The following GFRA3 variants were observed in gnomAD, a reference collection of about 807,000 sequenced individuals.
GFRA3 encodes GDNF family receptor alpha 3, also known as GDNF family receptor alpha-3.
GFRA3 carries 24 observed loss-of-function variants against 40.0 expected under a neutral mutation model. That is an observed-to-expected ratio of 0.60 (90% CI 0.43 to 0.84). The LOEUF (loss-of-function observed/expected upper bound fraction) is 0.84. Ranked by LOEUF, GFRA3 falls within the 40% of genes least tolerant of loss-of-function variation. The pLI, the probability that GFRA3 is intolerant of heterozygous loss-of-function variation, is 0.00. For missense variants in GFRA3, 405 were observed against 530.6 expected, an observed-to-expected ratio of 0.76 and a Z score of 2.33; for synonymous variants, 203 against 213.5, an observed-to-expected ratio of 0.95 and a Z score of 0.43.
chr5:138,260,923 A>G (rs932870066), intron 2 of GFRA3, among the ~76,000 whole-genome samples: 2 of 152,054 alleles, frequency 1.3e-5, no homozygotes, highest in African/African-American at 4.8e-5. Context: ...CGAGAGGCTG[A>G]GGTGGGAGGA....
intron 1 of GFRA3, among the ~76,000 whole-genome samples, chr5:138,274,077 G>A (rs899148459): frequency 6.6e-6 from 1 of 152,134 alleles, no homozygotes; most frequent in Non-Finnish European, 1.5e-5. Flanking sequence ...AGGGAAGAGG[G>A]GGGAAAAAGG....
At chr5:138,255,956 G>A (rs570815958) in intron 4 of GFRA3, among the ~76,000 whole-genome samples, 50 of 151,584 alleles carry the variant, frequency 3.3e-4, no homozygotes, top group African/African-American at 1.1e-3. Flanking sequence ...GGCTGGGCAC[G>A]GTGGCTCACA....
At chr5:138,266,000 C>A (rs1395708104) in intron 1 of GFRA3, among the ~76,000 whole-genome samples, 1 of 152,110 alleles carries the variant, frequency 6.6e-6, no homozygotes, top group Non-Finnish European at 1.5e-5. Context: ...CCAGCCAGTA[C>A]CTCATTGTTC....
Position 138,257,759 on chromosome 5 carries a change from G to C in GFRA3, c.665C>G (p.Pro222Arg). 1 of 1,610,192 alleles carries C rather than the reference G, an allele frequency of 6.2e-7. No homozygotes were observed. The highest frequency in any genetic ancestry group is 8.5e-7 in the Non-Finnish European group (1 of 1,177,876). The change falls in exon 4 of 8, where the codon CCC becomes CGC. Residue 222 changes from proline (P) to arginine (R), a missense_variant. Pro to Arg is a moderately radical substitution (Grantham distance 103). Transcript: ENST00000274721. The stretch of plus-strand genomic sequence containing the variant: ...GCGCTCCCCGCAGCCCCGGTCGTTG[G>C]GGGCACATGGGCACAGTAGCAGGCC... The part of the protein sequence containing the change: ...AQGLLLCPCA[P>R]NDRGCGERRR...
intron 1 of GFRA3, 119 bp from the exon 2 acceptor site, chr5:138,264,667 C>A: frequency 1.5e-6 from 1 of 647,346 alleles, no homozygotes; most frequent in Non-Finnish European, 2.7e-6. Context: ...CTTAGGGTAG[C>A]ACAAAAGGCC....
intron 2 of GFRA3, among the ~76,000 whole-genome samples, chr5:138,262,572 C>T (rs1755727060): frequency 6.6e-6 from 1 of 152,148 alleles, no homozygotes; most frequent in Admixed American, 6.5e-5. Context: ...CCCACCTCAG[C>T]CTCCCGAGTA....
intron 3 of GFRA3, 97 bp downstream of exon 3, chr5:138,259,460 T>C (rs1581509154): frequency 1.3e-6 from 1 of 750,094 alleles, no homozygotes; most frequent in Non-Finnish European, 2.5e-6. Flanking sequence ...TAGAAACATT[T>C]CCCTTATAAG....
Position 138,257,750 on chromosome 5 carries a change from C to G in GFRA3, c.674G>C (p.Arg225Pro), listed in dbSNP as rs1468659289. 2 of 1,609,988 alleles carry G rather than the reference C, an allele frequency of 1.2e-6. No individual in the cohort carries two copies. Among genetic ancestry groups the G allele is most frequent in the East Asian group, 2.2e-5 (1 of 44,780 alleles). ...GTTGCGCCGGCGCTCCCCGCAGCCC[C>G]GGTCGTTGGGGGCACATGGGCACAG... is the stretch of plus-strand genomic sequence containing the variant. ...LLLCPCAPND[R>P]GCGERRRNTI... Residue 225 changes from arginine (R) to proline (P), a missense_variant, in exon 4 of 8, where the codon CGG becomes CCG. Arg to Pro is a moderately radical substitution (Grantham distance 103). Coordinates refer to ENST00000274721, the MANE Select transcript of GFRA3 (RefSeq NM_001496.4).
At chr5:138,256,554 CAAAAA>C (rs370858708) in intron 4 of GFRA3, among the ~76,000 whole-genome samples, 1 of 139,400 alleles carries the variant, frequency 7.2e-6, no homozygotes, top group African/African-American at 2.6e-5. Context: ...AAAAAACAAA[CAAAAA>C]AAAAAACAAA....
rs757202435 is a variant in GFRA3 at position 138,257,638 on chromosome 5, C to A, written c.785+1G>T. 1 of 1,607,634 alleles carries A rather than the reference C, an allele frequency of 6.2e-7. No individual in the cohort carries two copies. Among genetic ancestry groups the A allele is most frequent in the Admixed American group, 1.7e-5 (1 of 58,806 alleles). On this transcript the variant is annotated splice_donor_variant, in intron 4 of 7. Transcript: ENST00000274721. LOFTEE classifies it high-confidence loss of function. ...CCACCCTGTCCTCCCAAACTACACACCTGCAAAGCGGGTCGGAGAAGCAGA... is the reference window on the plus strand; with the variant it reads ...CCACCCTGTCCTCCCAAACTACACAACTGCAAAGCGGGTCGGAGAAGCAGA...
At position 138,261,693 on chromosome 5, in the gene GFRA3, CAAAAAAAAAA is replaced by C. The variant is rs70979598; in HGVS notation, c.380-2054_380-2045del. 5.4e-4 allele frequency among the ~76,000 whole-genome samples: 25 copies of C among 46,356 alleles called. No homozygotes were observed. The South Asian group carries it at 0.023, about 43-fold the overall frequency. 30.4% of individuals were successfully genotyped at this position (46,356 alleles called of 152,430 possible). A position where few individuals can be genotyped will look rare whatever the true frequency, so the allele number is the denominator to read the frequency against. ...AGGGCAACAGAGGAAGACTCTGTCT[CAAAAAAAAAA>C]AAAAAAAAAAAAAAGAAGAAGAAGA... On this transcript the variant is annotated intron_variant, in intron 2 of 7. Transcript: ENST00000274721.
chr5:138,272,241 C>G (rs1254924113), intron 1 of GFRA3, among the ~76,000 whole-genome samples: 1 of 150,952 alleles, frequency 6.6e-6, no homozygotes, highest in African/African-American at 2.4e-5. Context: ...CTCCTGACCT[C>G]GTGATCTACC....
intron 2 of GFRA3, among the ~76,000 whole-genome samples, chr5:138,262,598 G>A (rs781100468): frequency 2.6e-5 from 4 of 152,054 alleles, no homozygotes; most frequent in Non-Finnish European, 2.9e-5. Flanking sequence ...GACCACAGGT[G>A]TGCACCACCA....
chr5:138,272,118 G>C (rs1440366475), intron 1 of GFRA3, among the ~76,000 whole-genome samples: 1 of 150,036 alleles, frequency 6.7e-6, no homozygotes, highest in Non-Finnish European at 1.5e-5. Context: ...CCATTCTCCT[G>C]CCTCAGCCTC....
At chr5:138,259,749 A>C in intron 2 of GFRA3, 100 bp from the exon 3 acceptor site, 1 of 755,714 alleles carries the variant, frequency 1.3e-6, no homozygotes, top group Admixed American at 1.8e-5. Flanking sequence ...CTGTGGAGAA[A>C]AGGAAAAGCA....
chr5:138,254,313 G>A (rs577431796), intron 4 of GFRA3, among the ~76,000 whole-genome samples, 153 bp from the exon 5 acceptor site: 1 of 151,138 alleles, frequency 6.6e-6, no homozygotes, highest in South Asian at 2.1e-4. Context: ...TCAGCCTCCC[G>A]AGTAGCTGGG....
intron 6 of GFRA3, 58 bp from the exon 7 acceptor site, chr5:138,253,433 T>C: frequency 8.8e-7 from 1 of 1,135,430 alleles, no homozygotes; most frequent in Non-Finnish European, 1.3e-6. Context: ...TTTCTCAGGC[T>C]CCCAAGGAAG....
At position 138,257,776 on chromosome 5, in the gene GFRA3, T is replaced by C. The variant is rs1407293264; in HGVS notation, c.648A>G (p.Leu216=). 1 of 1,612,184 alleles carries C rather than the reference T, an allele frequency of 6.2e-7. No individual in the cohort carries two copies. The highest frequency in any genetic ancestry group is 8.5e-7 in the Non-Finnish European group (1 of 1,179,094). Residue 216 remains leucine, a synonymous_variant, in exon 4 of 8, where the codon CTA becomes CTG. Coordinates refer to ENST00000274721, the MANE Select transcript of GFRA3 (RefSeq NM_001496.4). ...KAAEPHAQGL[L]LCPCAPNDRG... is the part of the protein sequence containing the mutation. ...GGTCGTTGGGGGCACATGGGCACAGTAGCAGGCCCTGCGCGTGGGGCTCGG... is the reference window on the plus strand; with the variant it reads ...GGTCGTTGGGGGCACATGGGCACAGCAGCAGGCCCTGCGCGTGGGGCTCGG...
At chr5:138,264,006 C>G (rs752196242) in intron 2 of GFRA3, among the ~76,000 whole-genome samples, 3 of 152,154 alleles carry the variant, frequency 2.0e-5, no homozygotes, top group Non-Finnish European at 4.4e-5. Flanking sequence ...GGGCCTCAGC[C>G]TGGTTCACAG....
Sources: allele counts gnomAD v4.1 joint callset (sites outside exome capture counted in the v4.1 genomes callset), GRCh38; gene constraint gnomAD v4.1.1; transcripts MANE v1.5; gene names NCBI Gene and HGNC (gene_info 2026-07-23, HGNC 2026-07-21).